The following DCLK2 variants were observed in gnomAD, a reference collection of about 807,000 sequenced individuals.
The protein encoded by DCLK2 is serine/threonine-protein kinase DCLK2.
Under a neutral mutation model 78.4 loss-of-function variants are expected in DCLK2, and 31 were observed. That is an observed-to-expected ratio of 0.40 (90% CI 0.30 to 0.53). DCLK2 has a LOEUF of 0.53. Among genes scored for constraint, DCLK2 ranks in the 20% least tolerant of loss-of-function variants. The probability of loss-of-function intolerance (pLI) is 0.61; values close to 1 mark genes in which losing one functional copy is unlikely to be tolerated. For synonymous variants in DCLK2, 407 were observed against 374.9 expected, an observed-to-expected ratio of 1.09 and a Z score of -0.99; for missense variants, 872 against 973.7, an observed-to-expected ratio of 0.90 and a Z score of 1.39.
intron 2 of DCLK2, among the ~76,000 whole-genome samples, chr4:150,153,211 G>C (rs183909420): frequency 6.6e-6 from 1 of 152,182 alleles, no homozygotes; most frequent in Non-Finnish European, 1.5e-5. Context: ...GAGTATGGGG[G>C]TGGGGATGGA....
chr4:150,185,629 G>A (rs935086067), intron 2 of DCLK2, among the ~76,000 whole-genome samples: 3 of 151,684 alleles, frequency 2.0e-5, no homozygotes, highest in Non-Finnish European at 2.9e-5. Context: ...CAGAAGAATC[G>A]CTTGAACCGG....
intron 2 of DCLK2, among the ~76,000 whole-genome samples, chr4:150,176,608 C>T (rs1259760276): frequency 6.6e-6 from 1 of 152,180 alleles, no homozygotes; most frequent in African/African-American, 2.4e-5. Flanking sequence ...GGTATTCATT[C>T]AGGTGCCAAG....
chr4:150,113,255 A>G (rs1345638829), intron 2 of DCLK2, among the ~76,000 whole-genome samples: 2 of 152,142 alleles, frequency 1.3e-5, no homozygotes, highest in Non-Finnish European at 2.9e-5. Flanking sequence ...GTACTGGGTT[A>G]ATGGAATGAG....
intron 15 of DCLK2, among the ~76,000 whole-genome samples, chr4:150,250,380 A>T (rs965494754): frequency 6.6e-6 from 1 of 152,234 alleles, no homozygotes; most frequent in African/African-American, 2.4e-5. Flanking sequence ...ATTGAACCAG[A>T]GGTGAGGGCA....
At chr4:150,130,438 C>T (rs965404218) in intron 2 of DCLK2, among the ~76,000 whole-genome samples, 1 of 152,058 alleles carries the variant, frequency 6.6e-6, no homozygotes, top group Non-Finnish European at 1.5e-5. Context: ...CACCCAGCCA[C>T]ACCCGTACCC....
chr4:150,153,514 G>A (rs936206992), intron 2 of DCLK2, among the ~76,000 whole-genome samples: 12 of 151,904 alleles, frequency 7.9e-5, no homozygotes, highest in African/African-American at 2.9e-4. Context: ...CTGGGCCCAA[G>A]CAACTTACCC....
chr4:150,171,416 G>A (rs1302798814), intron 2 of DCLK2, among the ~76,000 whole-genome samples: 1 of 152,204 alleles, frequency 6.6e-6, no homozygotes, highest in Non-Finnish European at 1.5e-5. Context: ...GGGAGGCGGA[G>A]CTTCCAGTGA....
chr4:150,200,009 C>A (rs138206250), intron 4 of DCLK2, among the ~76,000 whole-genome samples: 15 of 152,232 alleles, frequency 9.9e-5, no homozygotes, highest in Admixed American at 9.2e-4. Flanking sequence ...TGTAGCAAGG[C>A]CCTGTCTCTT....
intron 2 of DCLK2, among the ~76,000 whole-genome samples, chr4:150,188,341 G>A (rs1403876844): frequency 6.6e-6 from 1 of 152,116 alleles, no homozygotes. Context: ...CAAGTGTGGT[G>A]CCGCATGCCT....
intron 2 of DCLK2, among the ~76,000 whole-genome samples, chr4:150,159,346 T>A (rs1170674337): frequency 1.3e-5 from 2 of 152,236 alleles, no homozygotes; most frequent in Non-Finnish European, 2.9e-5. Context: ...TACACATACA[T>A]GTGTCTGCTG....
At chr4:150,172,989 A>C (rs12019295) in intron 2 of DCLK2, among the ~76,000 whole-genome samples, 1 of 152,028 alleles carries the variant, frequency 6.6e-6, no homozygotes, top group African/African-American at 2.4e-5. Flanking sequence ...CATCTTTAGA[A>C]ATGGGGTAGG....
intron 2 of DCLK2, among the ~76,000 whole-genome samples, chr4:150,188,742 A>G (rs1290473154): frequency 6.6e-6 from 1 of 151,960 alleles, no homozygotes; most frequent in Non-Finnish European, 1.5e-5. Flanking sequence ...TCTACTAAAA[A>G]TACAAAAAAA....
intron 1 of DCLK2, among the ~76,000 whole-genome samples, chr4:150,091,319 G>A (rs1419491976): frequency 2.0e-5 from 3 of 152,186 alleles, no homozygotes; most frequent in African/African-American, 2.4e-5. Context: ...CTTAATTTCC[G>A]AAGTTAGGAA....
At chr4:150,140,828 A>G (rs142929798) in intron 2 of DCLK2, among the ~76,000 whole-genome samples, 2 of 152,390 alleles carry the variant, frequency 1.3e-5, no homozygotes, top group East Asian at 1.9e-4. Flanking sequence ...GTAAATATGT[A>G]CTAGATTATA....
At chr4:150,143,648 G>A (rs1580587891) in intron 2 of DCLK2, among the ~76,000 whole-genome samples, 1 of 152,228 alleles carries the variant, frequency 6.6e-6, no homozygotes, top group Non-Finnish European at 1.5e-5. Context: ...TTCCATACAG[G>A]TTGAACTAAT....
chr4:150,237,107 CTT>C (rs11309024), intron 10 of DCLK2, among the ~76,000 whole-genome samples: 1 of 151,838 alleles, frequency 6.6e-6, no homozygotes, highest in African/African-American at 2.4e-5. Flanking sequence ...ATTAATAAAA[CTT>C]TTTTTTTTAA....
chr4:150,197,148 C>T (rs1245138685), intron 3 of DCLK2, among the ~76,000 whole-genome samples: 4 of 71,158 alleles, frequency 5.6e-5, no homozygotes, highest in African/African-American at 1.3e-4. Flanking sequence ...AGCGAGACTC[C>T]GTCTCAAAAA....
chr4:150,164,040 G>T (rs1399561401), intron 2 of DCLK2, among the ~76,000 whole-genome samples: 1 of 152,170 alleles, frequency 6.6e-6, no homozygotes, highest in Admixed American at 6.5e-5. Context: ...GAAAGTGCTG[G>T]AATTATAGGC....
chr4:150,211,502 C>T (rs1740313253), intron 5 of DCLK2, among the ~76,000 whole-genome samples: 1 of 152,106 alleles, frequency 6.6e-6, no homozygotes, highest in Non-Finnish European at 1.5e-5. Flanking sequence ...TGGAGTCTGG[C>T]AGTCACACCA....
Sources: allele counts gnomAD v4.1 joint callset (sites outside exome capture counted in the v4.1 genomes callset), GRCh38; gene constraint gnomAD v4.1.1; transcripts MANE v1.5; gene names NCBI Gene and HGNC (gene_info 2026-07-23, HGNC 2026-07-21).